LINGO1: variants seen among roughly 807,000 people sequenced by gnomAD.
LINGO1 encodes the protein leucine-rich repeat and immunoglobulin-like domain-containing nogo receptor-interacting protein 1.
In LINGO1, 11 loss-of-function variants were observed where a neutral mutation model predicts 37.3. The observed-to-expected ratio is 0.29, with a 90% CI of 0.19 to 0.49. LINGO1 has a LOEUF of 0.49. LINGO1 is among the 20% of genes least tolerant of loss of function. The probability of loss-of-function intolerance (pLI) is 0.99; values close to 1 mark genes in which losing one functional copy is unlikely to be tolerated. For missense variants in LINGO1, 585 were observed against 878.2 expected (o/e 0.67, Z 4.22); for synonymous variants, 387 against 403.0 (o/e 0.96, Z 0.48).
At chr15:77,782,773 C>A (rs2076733206) in intron 1 of LINGO1, among the ~76,000 whole-genome samples, 1 of 152,168 alleles carries the variant, frequency 6.6e-6, no homozygotes, top group African/African-American at 2.4e-5. Context: ...TGGGTCCCTG[C>A]ACCCACCTCC....
At chr15:77,748,800 C>T (rs1176548953) in intron 1 of LINGO1, among the ~76,000 whole-genome samples, 1 of 151,988 alleles carries the variant, frequency 6.6e-6, no homozygotes, top group Non-Finnish European at 1.5e-5. Flanking sequence ...CCTCCCACCT[C>T]AGCCTCTTGA....
chr15:77,811,723 A>G (rs1020180222), intron 1 of LINGO1, among the ~76,000 whole-genome samples: 4 of 152,238 alleles, frequency 2.6e-5, no homozygotes, highest in Non-Finnish European at 5.9e-5. Context: ...GAGACCACTT[A>G]AGATTAGGCA....
At chr15:77,625,642 A>G (rs1161273710) in intron 1 of LINGO1, among the ~76,000 whole-genome samples, 2 of 152,144 alleles carry the variant, frequency 1.3e-5, no homozygotes, top group African/African-American at 4.8e-5. Flanking sequence ...CTGATTAGAG[A>G]ACTGAGGCGC....
chr15:77,614,152 G>A lies in LINGO1; in HGVS notation c.1755C>T (p.Gly585=), dbSNP rs1297356393. 6.2e-7 allele frequency: 1 copy of A among 1,613,966 alleles called. No individual in the cohort carries two copies. The highest frequency in any genetic ancestry group is 8.5e-7 in the Non-Finnish European group (1 of 1,179,894). The change falls in exon 2 of 2, where the codon GGC becomes GGT. Residue 585 remains glycine (G), a synonymous_variant. Coordinates refer to ENST00000355300, the MANE Select transcript of LINGO1 (RefSeq NM_032808.7). ...CGATGTTGTGCTTTGTGTTGCCCTT[G>A]CCCCGGCTCCAGAGAAACAGCAGCA... ...CLVLLFLWSR[G]KGNTKHNIEI... is the part of the protein sequence containing the mutation.
At chr15:77,630,682 T>A (rs2074228111) in intron 1 of LINGO1, among the ~76,000 whole-genome samples, 1 of 152,256 alleles carries the variant, frequency 6.6e-6, no homozygotes, top group African/African-American at 2.4e-5. Flanking sequence ...ACACTGCAGC[T>A]TTAACTAAGC....
chr15:77,811,826 C>G (rs1391525249), intron 1 of LINGO1, among the ~76,000 whole-genome samples: 2 of 152,062 alleles, frequency 1.3e-5, no homozygotes, highest in African/African-American at 4.8e-5. Context: ...CTGGAAAAAA[C>G]AGATAAAGCA....
chr15:77,614,637 C>T lies in LINGO1; in HGVS notation c.1270G>A (p.Ala424Thr), dbSNP rs763863737. 8.1e-6 allele frequency: 13 copies of T among 1,611,470 alleles called. No individual in the cohort carries two copies. Among genetic ancestry groups the T allele is most frequent in the African/African-American group, 1.3e-5 (1 of 74,916 alleles). ...LLPNYFTCRR[A>T]RIRDRKAQQV... ...TGGGCCTTGCGGTCCCGGATGCGGG[C>T]GCGGCGGCAGGTGAAGTAGTTGGGC... is the stretch of plus-strand genomic sequence containing the variant. Residue 424 changes from alanine (A) to threonine (T), a missense_variant, in exon 2 of 2, where the codon GCC (alanine) becomes ACC (threonine). By Grantham distance (58) the Ala-to-Thr change is moderately conservative. Around this residue, in one of 4 missense-constraint regions of LINGO1, gnomAD observed 484 missense variants for 735.0 expected, o/e 0.66. Coordinates refer to ENST00000355300, the MANE Select transcript of LINGO1 (RefSeq NM_032808.7).
chr15:77,662,799 G>A (rs144746927), intron 3 of LINGO1, among the ~76,000 whole-genome samples: 21 of 152,302 alleles, frequency 1.4e-4, no homozygotes, highest in African/African-American at 5.1e-4. Context: ...TTGGTCACAC[G>A]CAGGCACACA....
At chr15:77,705,206 C>CACACA (rs57434698) in intron 2 of LINGO1, among the ~76,000 whole-genome samples, 6 of 148,980 alleles carry the variant, frequency 4.0e-5, no homozygotes, top group South Asian at 2.1e-4. Flanking sequence ...CACACACACA[C>CACACA]CAGTCCACTT....
intron 1 of LINGO1, among the ~76,000 whole-genome samples, chr15:77,804,359 C>T (rs1480925890): frequency 1.3e-5 from 2 of 152,196 alleles, no homozygotes; most frequent in East Asian, 3.9e-4. Flanking sequence ...TAGTGCAAGT[C>T]ATGTGGCCCC....
intron 1 of LINGO1, among the ~76,000 whole-genome samples, chr15:77,738,934 C>G (rs577733598): frequency 6.6e-6 from 1 of 152,280 alleles, no homozygotes; most frequent in South Asian, 2.1e-4. Context: ...GCATGCCCAG[C>G]AGGCAGGACA....
At chr15:77,674,072 A>G (rs1433828859) in intron 3 of LINGO1, among the ~76,000 whole-genome samples, 5 of 151,264 alleles carry the variant, frequency 3.3e-5, no homozygotes, top group African/African-American at 1.2e-4. Flanking sequence ...TCTCCCCTAC[A>G]CCAACCCGCT....
upstream of LINGO1, among the ~76,000 whole-genome samples, chr15:77,790,258 AACCCT>A (rs1255793872): frequency 6.6e-6 from 1 of 152,114 alleles, no homozygotes; most frequent in Non-Finnish European, 1.5e-5. Context: ...CCCCTCTCTA[AACCCT>A]AGTTTGTTCA....
intron 2 of LINGO1, among the ~76,000 whole-genome samples, chr15:77,794,373 CGTATATGT>C (rs2076846505): frequency 3.2e-5 from 2 of 62,764 alleles, no homozygotes; most frequent in Admixed American, 3.7e-4. Context: ...TATATACATA[CGTATATGT>C]ATATACATAC....
At chr15:77,650,683 C>T (rs898360233) in intron 3 of LINGO1, among the ~76,000 whole-genome samples, 32 of 152,250 alleles carry the variant, frequency 2.1e-4, no homozygotes, top group South Asian at 6.2e-4. Context: ...GGTAGGACTG[C>T]GGGCTGCATC....
At chr15:77,796,945 T>G (rs185798215) in intron 1 of LINGO1, among the ~76,000 whole-genome samples, 1 of 152,332 alleles carries the variant, frequency 6.6e-6, no homozygotes, top group East Asian at 1.9e-4. Context: ...TAAGCAGTCC[T>G]CCTGCCTTGA....
chr15:77,614,281 G>C lies in LINGO1; in HGVS notation c.1626C>G (p.Asn542Lys). ...ISNQPGEGEA[N>K]STRATVPFPF... ...GGAAAGGCACAGTGGCGCGGGTGCT[G>C]TTGGCCTCTCCCTCGCCCGGCTGGT... Residue 542 changes from asparagine to lysine, a missense_variant, in exon 2 of 2, where the codon AAC becomes AAG. Around this residue, in one of 4 missense-constraint regions of LINGO1, gnomAD observed 484 missense variants for 735.0 expected, o/e 0.66. Transcript: ENST00000355300. 6.2e-7 allele frequency: 1 copy of C among 1,614,044 alleles called. No individual in the cohort carries two copies. Among genetic ancestry groups the C allele is most frequent in the Non-Finnish European group, 8.5e-7 (1 of 1,179,896 alleles).
intron 1 of LINGO1, among the ~76,000 whole-genome samples, chr15:77,797,528 C>T (rs1024452135): frequency 1.3e-5 from 2 of 152,228 alleles, no homozygotes; most frequent in African/African-American, 4.8e-5. Flanking sequence ...ATTAAGAAAA[C>T]ACAAGTGCAG....
At chr15:77,796,310 G>GCACA (rs145431085) in intron 1 of LINGO1, among the ~76,000 whole-genome samples, 3 of 151,678 alleles carry the variant, frequency 2.0e-5, no homozygotes, top group African/African-American at 7.3e-5. Context: ...GTGCGGGCGT[G>GCACA]CACACACACA....
Sources: gnomAD v4.1 joint callset for allele counts (sites outside exome capture counted in the v4.1 genomes callset) on GRCh38, gnomAD v4.1.1 for gene constraint, gnomAD v4.1.1 regional missense constraint, MANE v1.5 for transcripts, NCBI Gene and HGNC (gene_info 2026-07-23, HGNC 2026-07-21) for gene names.